CRB2: variants seen among roughly 807,000 people sequenced by gnomAD.
The protein encoded by CRB2 is crumbs cell polarity complex component 2.
CRB2 carries 85 observed loss-of-function variants against 110.9 expected under a neutral mutation model. The ratio of observed to expected loss-of-function variants is 0.77; its 90% CI spans 0.64 to 0.92. The LOEUF (loss-of-function observed/expected upper bound fraction) is 0.92, where lower values mean the gene tolerates loss of function less well. Ranked by LOEUF, CRB2 falls within the 40% of genes least tolerant of loss-of-function variation. The pLI is 0.00. For synonymous variants in CRB2, 907 were observed against 831.0 expected (o/e 1.09, Z -1.57); for missense variants, 1,843 against 1,851.3 (o/e 1.00, Z 0.08).
At chr9:123,371,788 C>A (rs966866180) in intron 8 of CRB2, among the ~76,000 whole-genome samples, 6 of 152,190 alleles carry the variant, frequency 3.9e-5, no homozygotes, top group Non-Finnish European at 8.8e-5. Context: ...CTCTGGCGGT[C>A]CCCGTGTCTC....
In CRB2 at chr9:123,376,978, C is replaced by T. The variant is rs747453639; in HGVS notation, c.3774C>T (p.Tyr1258=). Residue 1258 remains tyrosine (Y), a synonymous_variant, in exon 13 of 13, where the codon TAC becomes TAT. Transcript: ENST00000373631. ...ARKRRQSEGT[Y]SPSQQEVAGA... is the part of the protein sequence containing the mutation. ...AGCGCCGCCAGTCTGAGGGCACCTA[C>T]AGCCCAAGCCAGCAGGAGGTGGCTG... 1.1e-5 allele frequency: 18 copies of T among 1,608,428 alleles called. No homozygotes were observed. The highest frequency in any genetic ancestry group is 1.7e-5 in the Admixed American group (1 of 59,318).
In CRB2 at chr9:123,370,834, A is replaced by G. The variant is rs752849694; in HGVS notation, c.1781A>G (p.Asp594Gly). The G allele has an allele frequency of 6.8e-6, 11 of 1,605,864 alleles. 1 individual carries two copies. Among genetic ancestry groups the G allele is most frequent in the Admixed American group, 6.7e-5 (4 of 59,976 alleles). Residue 594 changes from aspartate to glycine, a missense_variant, in exon 7 of 13, where the codon GAT becomes GGT. Physicochemically the swap from Asp to Gly is moderately conservative, Grantham distance 94 (BLOSUM62 -1). Coordinates refer to ENST00000373631, the MANE Select transcript of CRB2 (RefSeq NM_173689.7). The stretch of plus-strand genomic sequence containing the variant: ...GATGGCCACCTCCTGCTGCCTGAGG[A>G]TCTCGGTGAGAACGTCCTCCTGGGC... Reference protein sequence around the residue: ...RVDGHLLLPEDLGENVLLGCE... With the variant: ...RVDGHLLLPEGLGENVLLGCE...
At position 123,365,987 on chromosome 9, in the gene CRB2, C is replaced by G. The variant is rs761068348; in HGVS notation, c.489C>G (p.Asp163Glu). The change falls in exon 3 of 13, where the codon GAC becomes GAG. Residue 163 changes from aspartate to glutamate, a missense_variant. Physicochemically the swap from Asp to Glu is conservative, Grantham distance 45. Transcript: ENST00000373631. ...GCCTGCACGGGGGCTCGTGCCTGGACGGCGTGGGCTCCTTCCGCTGTGTGT... is the reference window on the plus strand; with the variant it reads ...GCCTGCACGGGGGCTCGTGCCTGGAGGGCGTGGGCTCCTTCCGCTGTGTGT... The part of the protein sequence containing the change: ...APCLHGGSCL[D>E]GVGSFRCVCA... 6.3e-7 allele frequency: 1 copy of G among 1,597,104 alleles called. No individual in the cohort carries two copies. The highest frequency in any genetic ancestry group is 8.5e-7 in the Non-Finnish European group (1 of 1,178,878).
intron 1 of CRB2, among the ~76,000 whole-genome samples, chr9:123,360,434 C>G (rs13298943): frequency 6.6e-6 from 1 of 152,208 alleles, no homozygotes; most frequent in African/African-American, 2.4e-5. Context: ...ACAGCCCCTC[C>G]TCCGCCCTGC....
Position 123,373,227 on chromosome 9 carries a change from C to A in CRB2, c.2696C>A (p.Ala899Asp). The A allele has an allele frequency of 6.6e-7, 1 of 1,507,728 alleles. No individual in the cohort carries two copies. The allele number at this position is 1,507,728 out of a possible 1,614,324, so 93.4% of individuals were successfully genotyped here. ...CGCTTGCTCGGCGGCCTGTCGCTGG[C>A]CTTTCGCACGCGCGACTCCGAGGCC... ...SGRLLGGLSL[A>D]FRTRDSEAWL... Residue 899 changes from alanine to aspartate, a missense_variant, in exon 10 of 13, where the codon GCC becomes GAC. Transcript: ENST00000373631.
chr9:123,370,087 T>A, intron 6 of CRB2, 21 bp from the exon 7 acceptor site: 1 of 1,563,216 alleles, frequency 6.4e-7, no homozygotes, highest in South Asian at 1.2e-5. Context: ...TTACTGAACC[T>A]TGGCTTTGTC....
chr9:123,363,880 G>A (rs2041897904), intron 2 of CRB2, among the ~76,000 whole-genome samples: 1 of 152,216 alleles, frequency 6.6e-6, no homozygotes, highest in South Asian at 2.1e-4. Flanking sequence ...AGAGAGGCCT[G>A]AAGTCGGGAA....
intron 1 of CRB2, among the ~76,000 whole-genome samples, chr9:123,358,814 C>T (rs139283264): frequency 2.6e-5 from 4 of 152,334 alleles, no homozygotes; most frequent in East Asian, 3.9e-4. Context: ...TGGCTTACTC[C>T]GAGCGCTGGT....
At chr9:123,379,289 G>A (rs911818196), downstream of CRB2, among the ~76,000 whole-genome samples, 8 of 152,180 alleles carry the variant, frequency 5.3e-5, no homozygotes, top group Admixed American at 2.0e-4. Flanking sequence ...AACAGAGGCA[G>A]AGTCCCAGGC....
rs750110353 is a variant in CRB2 at position 123,372,296 on chromosome 9, C to A, written c.2556C>A (p.Pro852=). Reference sequence around the variant, plus strand: ...AGCAGCTGTGGTGTCCCGGCCAGCCCTGTCTCCCACCTGCCACGTGTGAGG... The same window carrying A: ...AGCAGCTGTGGTGTCCCGGCCAGCCATGTCTCCCACCTGCCACGTGTGAGG... ...CAQQLWCPGQ[P]CLPPATCEEV... is the part of the protein sequence containing the mutation. Residue 852 remains proline (P), a synonymous_variant, in exon 9 of 13, where the codon CCC becomes CCA. Coordinates refer to ENST00000373631, the MANE Select transcript of CRB2 (RefSeq NM_173689.7). 3.1e-6 allele frequency: 5 copies of A among 1,611,534 alleles called. No homozygotes were observed. Among genetic ancestry groups the A allele is most frequent in the Middle Eastern group, 1.6e-4 (1 of 6,066 alleles).
chr9:123,369,933 G>A (rs1259540763), intron 6 of CRB2, among the ~76,000 whole-genome samples, 175 bp from the exon 7 acceptor site: 2 of 152,084 alleles, frequency 1.3e-5, no homozygotes, highest in African/African-American at 4.8e-5. Flanking sequence ...AGAAGGGAAG[G>A]GGCATCTTGG....
chr9:123,378,758 T>TC (rs1174599608), downstream of CRB2: 1 of 147,268 alleles, frequency 6.8e-6, no homozygotes, highest in African/African-American at 2.5e-5. Flanking sequence ...AAGCTGGCTG[T>TC]CCCCTGTCCT....
At chr9:123,372,070 A>G in intron 8 of CRB2, 107 bp from the exon 9 acceptor site, 2 of 1,096,806 alleles carry the variant, frequency 1.8e-6, no homozygotes, top group Non-Finnish European at 2.7e-6. Flanking sequence ...TTGTGAGGAG[A>G]TACTGTGTCT....
In CRB2 at chr9:123,371,152, C is replaced by T. The variant is rs531158130; in HGVS notation, c.2010C>T (p.Leu670=). 1.9e-6 allele frequency: 3 copies of T among 1,613,740 alleles called. No individual in the cohort carries two copies. The highest frequency in any genetic ancestry group is 2.2e-5 in the South Asian group (2 of 91,086). Residue 670 remains leucine, a synonymous_variant, in exon 8 of 13, where the codon CTC becomes CTT. Coordinates refer to ENST00000373631, the MANE Select transcript of CRB2 (RefSeq NM_173689.7). The stretch of plus-strand genomic sequence containing the variant: ...TCCAAGAGCTGCCAGGTCCCAACCT[C>T]ACAGTGTCTTTCCTTCTCCGCACTC... The part of the protein sequence containing the change: ...FLLQELPGPN[L]TVSFLLRTRE...
At chr9:123,355,638 C>G (rs1432113680), upstream of CRB2, among the ~76,000 whole-genome samples, 2 of 41,296 alleles carry the variant, frequency 4.8e-5, no homozygotes, top group African/African-American at 9.7e-5. Context: ...AGGGGCTGAC[C>G]GAGTGTGGGG....
At chr9:123,379,535 C>T (rs186750280), downstream of CRB2, 9 of 152,440 alleles carry the variant, frequency 5.9e-5, no homozygotes, top group East Asian at 1.9e-4. Context: ...GGGGAGTTGA[C>T]TCCTTCCCTA....
downstream of CRB2, chr9:123,380,277 A>AAATC (rs1195114628): frequency 6.6e-6 from 1 of 152,528 alleles, no homozygotes; most frequent in Non-Finnish European, 1.5e-5. Context: ...AAGATTCATC[A>AAATC]AATCAATAAG....
chr9:123,367,801 G>A (rs2041959598), intron 6 of CRB2, 115 bp downstream of exon 6: 1 of 731,282 alleles, frequency 1.4e-6, no homozygotes, highest in African/African-American at 1.7e-5. Context: ...GGAGGAGGTG[G>A]GTATGGTGGC....
chr9:123,363,281 G>A (rs558701795), intron 2 of CRB2, 93 bp downstream of exon 2: 23 of 1,340,230 alleles, frequency 1.7e-5, no homozygotes, highest in Admixed American at 4.3e-5. Context: ...TTTGCCTTTC[G>A]TGTAGGGACG....
Sources: gnomAD v4.1 joint callset for allele counts (sites outside exome capture counted in the v4.1 genomes callset) on GRCh38, gnomAD v4.1.1 for gene constraint, MANE v1.5 for transcripts, NCBI Gene and HGNC (gene_info 2026-07-23, HGNC 2026-07-21) for gene names.